Variants in MACC1 observed in about 807,000 individuals in gnomAD.
MACC1 encodes the protein MET transcriptional regulator MACC1.
Under a neutral mutation model 70.7 loss-of-function variants are expected in MACC1, and 79 were observed. That is an observed-to-expected ratio of 1.12 (90% CI 0.93 to 1.35). The LOEUF is 1.35. MACC1 is among the 40% of genes most tolerant of loss of function. The probability of loss-of-function intolerance (pLI) is 0.00; values close to 1 mark genes in which losing one functional copy is unlikely to be tolerated. For synonymous variants in MACC1, 361 were observed against 347.2 expected, an observed-to-expected ratio of 1.04 and a Z score of -0.44; for missense variants, 1,106 against 978.1, an observed-to-expected ratio of 1.13 and a Z score of -1.74.
chr7:20,153,755 C>T (rs780306014), intron 6 of MACC1, among the ~76,000 whole-genome samples: 130 of 152,180 alleles, frequency 8.5e-4, no homozygotes, highest in Non-Finnish European at 1.5e-3. Flanking sequence ...TTTCTTACTA[C>T]TTCTTGTCCC....
chr7:20,195,380 C>T lies in MACC1; in HGVS notation c.-218+21919G>A, dbSNP rs188904907. ...TCCACAGGCTGAAAAGCATAGCATC[C>T]GACAAAGACCAGAGACAGCTACTTC... On this transcript the variant is annotated intron_variant, in intron 1 of 6. Transcript: ENST00000400331. 1.3e-4 allele frequency among the ~76,000 whole-genome samples: 20 copies of T among 152,238 alleles called. 1 individual carries two copies. The East Asian group carries it at 3.3e-3, about 25-fold the overall frequency.
At chr7:20,214,268 T>C (rs565635896) in intron 1 of MACC1, among the ~76,000 whole-genome samples, 4 of 152,208 alleles carry the variant, frequency 2.6e-5, no homozygotes, top group African/African-American at 9.6e-5. Flanking sequence ...AGCATTATCA[T>C]CCAAAATCCC....
intron 1 of MACC1, among the ~76,000 whole-genome samples, chr7:20,190,704 A>G (rs903398762): frequency 2.0e-5 from 3 of 152,208 alleles, no homozygotes; most frequent in African/African-American, 7.2e-5. Flanking sequence ...TTTCATCACA[A>G]GCTCTTTTCC....
At chr7:20,149,957 A>T (rs897599011) in intron 6 of MACC1, among the ~76,000 whole-genome samples, 2 of 152,234 alleles carry the variant, frequency 1.3e-5, no homozygotes, top group African/African-American at 4.8e-5. Context: ...AACTGGATAA[A>T]TTACACAAAT....
chr7:20,180,478 G>A (rs762523290), intron 1 of MACC1, among the ~76,000 whole-genome samples: 4 of 151,888 alleles, frequency 2.6e-5, no homozygotes, highest in African/African-American at 9.7e-5. Flanking sequence ...AAATGTATAG[G>A]CTTAAATTAG....
intron 3 of MACC1, among the ~76,000 whole-genome samples, chr7:20,162,662 CCAAA>C (rs757176819): frequency 3.9e-5 from 6 of 152,122 alleles, no homozygotes; most frequent in Non-Finnish European, 5.9e-5. Flanking sequence ...GCACAGGTGG[CCAAA>C]CAGAGTGGTG....
intron 1 of MACC1, among the ~76,000 whole-genome samples, chr7:20,182,721 C>T (rs1201178730): frequency 2.0e-5 from 3 of 152,110 alleles, no homozygotes; most frequent in Non-Finnish European, 4.4e-5. Context: ...TACCAACAAC[C>T]TCGATTTGTC....
rs1262146314 is a variant in MACC1 at position 20,135,830 on chromosome 7, GT to G, written c.*5115del. 2.6e-5 allele frequency: 4 copies of G among 152,150 alleles called. No individual in the cohort carries two copies. The highest frequency in any genetic ancestry group is 5.9e-5 in the Non-Finnish European group (4 of 68,040). The allele number at this position is 152,150 out of a possible 1,614,324, so 9.4% of individuals were successfully genotyped here. On this transcript the variant is annotated 3_prime_UTR_variant, in exon 7 of 7. Coordinates refer to ENST00000400331, the MANE Select transcript of MACC1 (RefSeq NM_182762.4). ...TGTAGTTTGTTTTAAACAGCTGGAA[GT>G]CACCAATTGTTCAAAAACAGTGTGT...
In MACC1 at chr7:20,190,948, T is replaced by C. The variant is rs184353410; in HGVS notation, c.-217-20170A>G. On this transcript the variant is annotated intron_variant, in intron 1 of 6. Coordinates refer to ENST00000400331, the MANE Select transcript of MACC1 (RefSeq NM_182762.4). ...AGAGCATATAAACAAGGGAAGATAT[T>C]AAAAACACAGAAACAAAGCACCAGT... is the stretch of plus-strand genomic sequence containing the variant. Among the ~76,000 whole-genome samples the C allele has an allele frequency of 5.6e-4, 85 of 152,356 alleles. 1 individual carries two copies. Among genetic ancestry groups the C allele is most frequent in the Non-Finnish European group, 7.9e-4 (54 of 68,034 alleles).
chr7:20,183,709 A>AG (rs1782544594), intron 1 of MACC1, among the ~76,000 whole-genome samples: 3 of 92,050 alleles, frequency 3.3e-5, no homozygotes, highest in Admixed American at 1.2e-4. Flanking sequence ...CCTGATTCTA[A>AG]CTTTTTTTTT....
intron 2 of MACC1, chr7:20,170,198 G>A (rs1782283525): frequency 6.6e-6 from 1 of 152,214 alleles, no homozygotes; most frequent in African/African-American, 2.4e-5. Context: ...ACTGGTCTGA[G>A]CACCATTTCC....
Position 20,159,731 on chromosome 7 carries a change from C to T in MACC1, c.630G>A (p.Ala210=), listed in dbSNP as rs753241928. ...TTACTTTGCAAGCTATGGTGACCTC[C>T]GCAAGTTGTGTCTGGGCCCATCCAG... ...QSPGWAQTQL[A]EVTIACKVNH... The change falls in exon 5 of 7, where the codon GCG becomes GCA. Residue 210 remains alanine, a synonymous_variant. Coordinates refer to ENST00000400331, the MANE Select transcript of MACC1 (RefSeq NM_182762.4). 1.9e-5 allele frequency: 31 copies of T among 1,613,974 alleles called. No homozygotes were observed. Among genetic ancestry groups the T allele is most frequent in the Admixed American group, 1.3e-4 (8 of 59,958 alleles).
intron 6 of MACC1, among the ~76,000 whole-genome samples, chr7:20,149,579 G>T (rs1014720002): frequency 6.6e-6 from 1 of 152,174 alleles, no homozygotes; most frequent in African/African-American, 2.4e-5. Flanking sequence ...CAGAAGTCCA[G>T]CCAAGAATCT....
chr7:20,211,891 G>C (rs1423189060), intron 1 of MACC1, among the ~76,000 whole-genome samples: 2 of 152,156 alleles, frequency 1.3e-5, no homozygotes, highest in African/African-American at 4.8e-5. Flanking sequence ...AATAGACATG[G>C]ATTAATCTTA....
At chr7:20,179,742 G>A (rs1280565946) in intron 1 of MACC1, among the ~76,000 whole-genome samples, 2 of 152,098 alleles carry the variant, frequency 1.3e-5, no homozygotes, top group East Asian at 1.9e-4. Context: ...AAGGGTAGCT[G>A]ACATCAACCA....
At chr7:20,142,683 C>A (rs1296686466) in intron 6 of MACC1, among the ~76,000 whole-genome samples, 4 of 152,152 alleles carry the variant, frequency 2.6e-5, no homozygotes, top group African/African-American at 7.2e-5. Flanking sequence ...AGTAATGGAA[C>A]CTTTTTTGTC....
rs1249667049 is a variant in MACC1, at chr7:20,138,738, A to T, written c.*2208T>A. On this transcript the variant is annotated 3_prime_UTR_variant, in exon 7 of 7. Transcript: ENST00000400331. The stretch of plus-strand genomic sequence containing the variant: ...CCCAGGCTGGAGTGCAGTGGCATGA[A>T]CTCGGCTCACTGCAAGCTCCGCCTC... 3 of 151,536 alleles carry T rather than the reference A, an allele frequency of 2.0e-5. No individual in the cohort carries two copies. The highest frequency in any genetic ancestry group is 7.3e-5 in the African/African-American group (3 of 41,270). The allele number at this position is 151,536 out of a possible 1,614,324, so 9.4% of individuals were successfully genotyped here.
chr7:20,199,542 A>T (rs1050794890), intron 1 of MACC1, among the ~76,000 whole-genome samples: 2 of 152,198 alleles, frequency 1.3e-5, no homozygotes, highest in Admixed American at 6.5e-5. Flanking sequence ...CTCCAACACC[A>T]CTATCCTCCA....
At chr7:20,166,392 A>G (rs1287064435) in intron 2 of MACC1, among the ~76,000 whole-genome samples, 2 of 152,170 alleles carry the variant, frequency 1.3e-5, no homozygotes, top group Non-Finnish European at 2.9e-5. Context: ...TCAGCTGATG[A>G]TACACACCTG....
Sources: gnomAD v4.1 joint callset for allele counts (sites outside exome capture counted in the v4.1 genomes callset) on GRCh38, gnomAD v4.1.1 for gene constraint, MANE v1.5 for transcripts, NCBI Gene and HGNC (gene_info 2026-07-23, HGNC 2026-07-21) for gene names.